The following DNAH14 variants were observed in gnomAD, a reference collection of about 807,000 sequenced individuals.
DNAH14 encodes the protein axonemal beta dynein heavy chain 14.
Under a neutral mutation model 520.9 loss-of-function variants are expected in DNAH14, and 478 were observed. The observed-to-expected ratio is 0.92, with a 90% confidence interval of 0.85 to 0.99. The LOEUF (loss-of-function observed/expected upper bound fraction) is 0.99, where lower values mean the gene tolerates loss of function less well. DNAH14 is among the 50% of genes least tolerant of loss of function. The pLI, the probability that DNAH14 is intolerant of heterozygous loss-of-function variation, is 0.00. For missense variants in DNAH14, 4,831 were observed against 5,234.5 expected (o/e 0.92, Z 2.38); for synonymous variants, 1,581 against 1,757.2 (o/e 0.90, Z 2.51).
At chr1:225,335,955 ACACATATACATATATGTACATATG>A (rs1265446693) in intron 66 of DNAH14, among the ~76,000 whole-genome samples, 3 of 144,380 alleles carry the variant, frequency 2.1e-5, no homozygotes, top group African/African-American at 7.5e-5. Flanking sequence ...ATGTATATAT[ACACATATACATATATGTACATATG>A]TGTATATACA....
chr1:225,139,455 T>A (rs1349446597), intron 27 of DNAH14, among the ~76,000 whole-genome samples: 1 of 152,226 alleles, frequency 6.6e-6, no homozygotes, highest in African/African-American at 2.4e-5. Context: ...TTTCCATTGA[T>A]GCAGTTTACA....
intron 54 of DNAH14, among the ~76,000 whole-genome samples, chr1:225,280,707 A>G (rs1377834011): frequency 6.6e-6 from 1 of 152,202 alleles, no homozygotes; most frequent in African/African-American, 2.4e-5. Context: ...ATCATAGTCA[A>G]CCATTCAAAG....
At chr1:225,333,597 C>T in intron 66 of DNAH14, 91 bp downstream of exon 66, 1 of 1,127,224 alleles carries the variant, frequency 8.9e-7, no homozygotes. Context: ...GGATGTTGTC[C>T]CAAAATTATT....
At chr1:225,360,395 C>T (rs944560160) in intron 74 of DNAH14, among the ~76,000 whole-genome samples, 1 of 152,142 alleles carries the variant, frequency 6.6e-6, no homozygotes, top group Non-Finnish European at 1.5e-5. Flanking sequence ...ATACAGCCAT[C>T]TCGAACAACA....
chr1:225,148,396 C>CTTTTTTTTT lies in DNAH14; in HGVS notation c.4940+1162_4940+1170dup, dbSNP rs560233312. Among the ~76,000 whole-genome samples the CTTTTTTTTT allele has an allele frequency of 3.0e-4, 29 of 96,626 alleles. 3 individuals are homozygous for CTTTTTTTTT. The highest frequency in any genetic ancestry group is 1.7e-3 in the East Asian group (5 of 2,994). The allele number at this position is 96,626 out of a possible 152,430, so 63.4% of individuals were successfully genotyped here. A position where few individuals can be genotyped will look rare whatever the true frequency, so the allele number is the denominator to read the frequency against. On this transcript the variant is annotated intron_variant, in intron 31 of 85. Transcript: ENST00000682510. ...TTCTCTAATGATCAGTAATGTTGAG[C>CTTTTTTTTT]TTTTTTTTTTTTTTTTTTTTTTTGA...
chr1:225,066,587 T>G (rs1227105938), intron 17 of DNAH14, among the ~76,000 whole-genome samples: 3 of 152,212 alleles, frequency 2.0e-5, no homozygotes, highest in East Asian at 3.9e-4. Context: ...GAAATTTTGG[T>G]GCACCTGTCA....
chr1:225,307,046 C>T (rs933711045), intron 58 of DNAH14, among the ~76,000 whole-genome samples: 1 of 151,988 alleles, frequency 6.6e-6, no homozygotes, highest in African/African-American at 2.4e-5. Context: ...TGAGAGGTAC[C>T]CTTATGGGGA....
intron 43 of DNAH14, among the ~76,000 whole-genome samples, chr1:225,250,326 C>G (rs1281937794): frequency 1.3e-5 from 2 of 152,166 alleles, no homozygotes; most frequent in Non-Finnish European, 2.9e-5. Flanking sequence ...ATCTGCATTT[C>G]TCTAAAAACT....
chr1:224,995,500 G>T (rs2489326), intron 8 of DNAH14, among the ~76,000 whole-genome samples: 14,559 of 151,820 alleles, frequency 0.096, 2,251 homozygotes, highest in African/African-American at 0.33. Flanking sequence ...TTTGATTTTG[G>T]TAGTTTAATT....
At chr1:225,154,349 A>T (rs2080820364) in intron 34 of DNAH14, among the ~76,000 whole-genome samples, 1 of 152,130 alleles carries the variant, frequency 6.6e-6, no homozygotes, top group Non-Finnish European at 1.5e-5. Context: ...TAGTTTGTTA[A>T]TTTGCTTATT....
intron 27 of DNAH14, among the ~76,000 whole-genome samples, chr1:225,123,987 A>G (rs1290385773): frequency 6.6e-6 from 1 of 152,136 alleles, no homozygotes; most frequent in Non-Finnish European, 1.5e-5. Flanking sequence ...TCCTGACCTC[A>G]GGTGATCTGC....
At chr1:225,097,301 T>G in intron 22 of DNAH14, 62 bp downstream of exon 22, 2 of 1,427,364 alleles carry the variant, frequency 1.4e-6, no homozygotes, top group Non-Finnish European at 1.9e-6. Flanking sequence ...TTTATTTTCT[T>G]TAATTCTTGA....
intron 31 of DNAH14, among the ~76,000 whole-genome samples, chr1:225,148,030 A>G (rs985200783): frequency 6.6e-6 from 1 of 152,142 alleles, no homozygotes; most frequent in Admixed American, 6.5e-5. Context: ...TATCCAGTCT[A>G]CCATGGGTGG....
intron 10 of DNAH14, among the ~76,000 whole-genome samples, chr1:225,014,702 C>T (rs930727851): frequency 2.6e-5 from 4 of 152,082 alleles, no homozygotes; most frequent in Non-Finnish European, 5.9e-5. Flanking sequence ...TGTGTTGAGA[C>T]TTGTGTTCTA....
rs1380200145 is a variant in DNAH14, at chr1:225,269,537, C to T, written c.7540-1198C>T. Among the ~76,000 whole-genome samples the T allele has an allele frequency of 2.0e-5, 3 of 152,162 alleles. No individual in the cohort carries two copies. In the South Asian group the frequency reaches 6.2e-4, roughly 32 times the overall value. ...CAAAAGAAACTACCATCAGAGTGAA[C>T]AGGCAACCTACAGAATGGGAGGAAA... is the stretch of plus-strand genomic sequence containing the variant. On this transcript the variant is annotated intron_variant, in intron 49 of 85. Coordinates refer to ENST00000682510, the MANE Select transcript of DNAH14 (RefSeq NM_001367479.1).
chr1:225,103,306 T>A (rs1210358486), intron 23 of DNAH14, among the ~76,000 whole-genome samples: 11 of 152,236 alleles, frequency 7.2e-5, no homozygotes, highest in African/African-American at 2.7e-4. Context: ...TGTAGTATAG[T>A]TTGAAGTCAG....
intron 17 of DNAH14, among the ~76,000 whole-genome samples, chr1:225,071,972 T>C (rs2071602512): frequency 6.6e-6 from 1 of 152,114 alleles, no homozygotes; most frequent in Non-Finnish European, 1.5e-5. Context: ...TATCACCGCC[T>C]TTAACATTTT....
intron 54 of DNAH14, among the ~76,000 whole-genome samples, chr1:225,283,421 A>T (rs1489791059): frequency 6.9e-6 from 1 of 144,794 alleles, no homozygotes; most frequent in African/African-American, 2.5e-5. Flanking sequence ...GGAAAAAATT[A>T]AGTGTTCTGA....
At chr1:225,119,366 A>T (rs2077119236) in intron 26 of DNAH14, 72 bp downstream of exon 26, 7 of 1,080,204 alleles carry the variant, frequency 6.5e-6, no homozygotes, top group Admixed American at 3.4e-5. Context: ...ATACACACAC[A>T]TTTTTTAAAA....
Sources: allele counts gnomAD v4.1 joint callset (sites outside exome capture counted in the v4.1 genomes callset), GRCh38; gene constraint gnomAD v4.1.1; transcripts MANE v1.5; gene names NCBI Gene and HGNC (gene_info 2026-07-23, HGNC 2026-07-21).